The following TLK1 variants were observed in gnomAD, a reference collection of about 807,000 sequenced individuals.
TLK1 encodes the protein tousled like kinase 1.
Under a neutral mutation model 105.3 loss-of-function variants are expected in TLK1, and 24 were observed. The ratio of observed to expected loss-of-function variants is 0.23; its 90% CI spans 0.17 to 0.32. TLK1 has a LOEUF of 0.32. TLK1 is among the 10% of genes least tolerant of loss of function. TLK1 has a pLI of 1.00. For missense variants in TLK1, 558 were observed against 910.5 expected (o/e 0.61, Z 4.98); for synonymous variants, 321 against 310.4 (o/e 1.03, Z -0.36).
At chr2:171,187,240 C>G (rs1019312341) in intron 1 of TLK1, among the ~76,000 whole-genome samples, 2 of 151,972 alleles carry the variant, frequency 1.3e-5, no homozygotes, top group Non-Finnish European at 2.9e-5. Flanking sequence ...AGGAGTCTCC[C>G]TTGCATTTTG....
At chr2:171,072,960 A>C (rs1320757757) in intron 3 of TLK1, among the ~76,000 whole-genome samples, 1 of 151,690 alleles carries the variant, frequency 6.6e-6, no homozygotes, top group East Asian at 1.9e-4. Context: ...TAATGTCTAC[A>C]TATTTCATAG....
At chr2:171,117,595 C>A (rs1342684540) in intron 2 of TLK1, 144 bp downstream of exon 2, 2 of 647,764 alleles carry the variant, frequency 3.1e-6, no homozygotes, top group South Asian at 4.0e-5. Flanking sequence ...ACATTAAAAA[C>A]GCATTTATGA....
At chr2:171,070,991 T>G (rs1191786028) in intron 3 of TLK1, among the ~76,000 whole-genome samples, 1 of 152,198 alleles carries the variant, frequency 6.6e-6, no homozygotes, top group Non-Finnish European at 1.5e-5. Flanking sequence ...GATATCTCAT[T>G]GTAATTTTGA....
At chr2:171,152,025 C>CA (rs1692062194) in intron 1 of TLK1, among the ~76,000 whole-genome samples, 1 of 152,156 alleles carries the variant, frequency 6.6e-6, no homozygotes, top group Admixed American at 6.5e-5. Flanking sequence ...TGACCTTCAC[C>CA]AGAGGAACTA....
intron 1 of TLK1, among the ~76,000 whole-genome samples, chr2:171,223,838 T>G (rs1693851968): frequency 6.6e-6 from 1 of 151,756 alleles, no homozygotes; most frequent in Non-Finnish European, 1.5e-5. Context: ...TTTGAGCTCC[T>G]TGTATATTCT....
chr2:171,143,723 T>TA (rs1165038366), intron 1 of TLK1, among the ~76,000 whole-genome samples: 1 of 151,780 alleles, frequency 6.6e-6, no homozygotes, highest in Non-Finnish European at 1.5e-5. Context: ...TTAAAGAAAT[T>TA]AAAATGTTAC....
chr2:171,096,151 T>C (rs182625914), intron 2 of TLK1, among the ~76,000 whole-genome samples: 27 of 152,248 alleles, frequency 1.8e-4, no homozygotes, highest in East Asian at 9.7e-4. Flanking sequence ...CAAGAAACTA[T>C]TGGAGTCAGT....
At chr2:171,201,761 A>G (rs1471241505) in intron 1 of TLK1, among the ~76,000 whole-genome samples, 3 of 152,174 alleles carry the variant, frequency 2.0e-5, no homozygotes, top group Non-Finnish European at 1.5e-5. Flanking sequence ...CTGAAGTCAT[A>G]TCTCTTCACG....
At position 171,030,041 on chromosome 2, in the gene TLK1, C is replaced by T. The variant is rs142200439; in HGVS notation, c.1170-1636G>A. On this transcript the variant is annotated intron_variant, in intron 11 of 20. Coordinates refer to ENST00000431350, the MANE Select transcript of TLK1 (RefSeq NM_012290.5). ...GATTACAAGTGTGAGCCACCACAAC[C>T]GGCCCATACCCCAACTTTAAAAGAA... Among the ~76,000 whole-genome samples the T allele has an allele frequency of 5.8e-3, 883 of 152,278 alleles. 10 individuals carry two copies. The highest frequency in any genetic ancestry group is 9.5e-3 in the Non-Finnish European group (646 of 68,020).
chr2:171,040,413 G>A (rs761182757), intron 11 of TLK1, among the ~76,000 whole-genome samples: 4 of 152,158 alleles, frequency 2.6e-5, no homozygotes, highest in Non-Finnish European at 5.9e-5. Flanking sequence ...GAATGTATCC[G>A]TGTGGGGACA....
At chr2:171,188,769 G>T (rs946929721) in intron 1 of TLK1, among the ~76,000 whole-genome samples, 7 of 151,480 alleles carry the variant, frequency 4.6e-5, no homozygotes, top group Admixed American at 1.3e-4. Context: ...AACTACTTGG[G>T]AGGCTGAGGC....
At chr2:171,062,352 C>T (rs1016907357) in intron 3 of TLK1, among the ~76,000 whole-genome samples, 4 of 152,112 alleles carry the variant, frequency 2.6e-5, no homozygotes, top group African/African-American at 7.2e-5. Context: ...GGATTTAATC[C>T]GTATTTTCAT....
chr2:171,023,985 C>T (rs1685656778), intron 12 of TLK1, among the ~76,000 whole-genome samples: 4 of 152,148 alleles, frequency 2.6e-5, no homozygotes, highest in Admixed American at 2.0e-4. Context: ...CTTGAACCCA[C>T]GATTCCACAT....
chr2:171,192,002 TGAA>T (rs1303179821), intron 1 of TLK1, among the ~76,000 whole-genome samples: 6 of 152,270 alleles, frequency 3.9e-5, no homozygotes, highest in Admixed American at 2.0e-4. Flanking sequence ...GAATACATTT[TGAA>T]AATTTTTGCC....
At chr2:171,019,536 C>T (rs182953452) in intron 12 of TLK1, among the ~76,000 whole-genome samples, 1 of 152,022 alleles carries the variant, frequency 6.6e-6, no homozygotes, top group Admixed American at 6.6e-5. Context: ...ATTAAACTTG[C>T]TAGTTTAAAG....
At chr2:171,044,144 G>A (rs192100753) in intron 11 of TLK1, among the ~76,000 whole-genome samples, 14 of 152,206 alleles carry the variant, frequency 9.2e-5, no homozygotes, top group Middle Eastern at 3.4e-3. Flanking sequence ...AAATCTGGCC[G>A]GGTGCAGTGG....
chr2:170,993,715 GCTCT>G lies in TLK1; in HGVS notation c.*61_*64del. 1.0e-6 allele frequency: 1 copy of G among 980,394 alleles called. No homozygotes were observed. The highest frequency in any genetic ancestry group is 2.8e-5 in the South Asian group (1 of 35,858). 60.7% of individuals were successfully genotyped at this position (980,394 alleles called of 1,614,324 possible). On this transcript the variant is annotated 3_prime_UTR_variant, in exon 21 of 21. Transcript: ENST00000431350. ...AGAAAAAGAAAACAAACACTCAAAT[GCTCT>G]CAAACTTAAGTGTGCATCTGGAAGC... is the stretch of plus-strand genomic sequence containing the variant.
chr2:171,182,485 C>T (rs1692943898), intron 1 of TLK1, among the ~76,000 whole-genome samples: 1 of 152,040 alleles, frequency 6.6e-6, no homozygotes, highest in Non-Finnish European at 1.5e-5. Flanking sequence ...AAGCACACTT[C>T]AGATAAGTCT....
Position 171,007,011 on chromosome 2 carries a change from T to C in TLK1, c.1469A>G (p.Asn490Ser), listed in dbSNP as rs765618025. 6.2e-7 allele frequency: 1 copy of C among 1,610,818 alleles called. No individual in the cohort carries two copies. The highest frequency in any genetic ancestry group is 1.1e-5 in the South Asian group (1 of 90,506). Residue 490 changes from asparagine (N) to serine (S), a missense_variant, in exon 15 of 21, where the codon AAT becomes AGT. Physicochemically the swap from Asn to Ser is conservative, Grantham distance 46. Transcript: ENST00000431350. Reference sequence around the variant, plus strand: ...TTTCTTCTCATCTCTCCAGCTTTTATTAAGCTGATGTATCTTCACAGCAGC... The same window carrying C: ...TTTCTTCTCATCTCTCCAGCTTTTACTAAGCTGATGTATCTTCACAGCAGC... ...RYAAVKIHQL[N>S]KSWRDEKKEN...
Sources: gnomAD v4.1 joint callset for allele counts (sites outside exome capture counted in the v4.1 genomes callset) on GRCh38, gnomAD v4.1.1 for gene constraint, MANE v1.5 for transcripts, NCBI Gene and HGNC (gene_info 2026-07-23, HGNC 2026-07-21) for gene names.